Variants in CLCN1 observed in about 807,000 individuals in gnomAD.
The protein encoded by CLCN1 is chloride voltage-gated channel 1.
In CLCN1, 100 loss-of-function variants were observed where a neutral mutation model predicts 114.5. That is an observed-to-expected ratio of 0.87 (90% CI 0.74 to 1.03). The LOEUF (loss-of-function observed/expected upper bound fraction) is 1.03. CLCN1 is among the 50% of genes least tolerant of loss of function. The pLI is 0.00. For synonymous variants in CLCN1, 485 were observed against 487.1 expected (o/e 1.00, Z 0.06); for missense variants, 1,188 against 1,250.0 (o/e 0.95, Z 0.75).
At chr7:143,323,715 C>T in intron 6 of CLCN1, 1 of 518,104 alleles carries the variant, frequency 1.9e-6, no homozygotes, top group Middle Eastern at 3.0e-4. Flanking sequence ...CCCTCGTGTG[C>T]TCCCCCATCC....
chr7:143,331,089 G>T, intron 8 of CLCN1, 143 bp from the exon 9 acceptor site: 1 of 1,057,016 alleles, frequency 9.5e-7, no homozygotes, highest in Non-Finnish European at 1.5e-6. Flanking sequence ...GGAGGAGTGT[G>T]CGTAGAAAAA....
chr7:143,351,933 G>A lies in CLCN1; in HGVS notation c.2935G>A (p.Asp979Asn). Residue 979 changes from aspartate (D) to asparagine (N), a missense_variant, in exon 23 of 23, where the codon GAC becomes AAC. By Grantham distance (23) the Asp-to-Asn change is conservative. Coordinates refer to ENST00000343257, the MANE Select transcript of CLCN1 (RefSeq NM_000083.3). Reference protein sequence around the residue: ...ILQGPSLRSTDEEDEDELIL With the variant: ...ILQGPSLRSTNEEDEDELIL ...GCAGGGCCCCAGCCTGCGATCCACA[G>A]ACGAGGAGGATGAGGATGAACTGAT... 1 of 1,613,442 alleles carries A rather than the reference G, an allele frequency of 6.2e-7. No homozygotes were observed. The highest frequency in any genetic ancestry group is 8.5e-7 in the Non-Finnish European group (1 of 1,180,044).
intron 2 of CLCN1, 86 bp downstream of exon 2, chr7:143,319,961 C>T (rs997085311): frequency 1.4e-5 from 19 of 1,383,844 alleles, no homozygotes; most frequent in East Asian, 9.1e-5. Context: ...ATTGCACGTA[C>T]GTACTCCCTG....
chr7:143,323,780 C>G, intron 6 of CLCN1: 1 of 479,734 alleles, frequency 2.1e-6, no homozygotes, highest in Non-Finnish European at 4.3e-6. Context: ...GCCTGCCCCA[C>G]CCCTCCACCC....
At chr7:143,340,077 A>G (rs994212881) in intron 14 of CLCN1, among the ~76,000 whole-genome samples, 2 of 152,234 alleles carry the variant, frequency 1.3e-5, no homozygotes, top group Admixed American at 6.5e-5. Flanking sequence ...CCATGAAGCA[A>G]GATAGCTGCT....
In CLCN1 at chr7:143,321,355, G is replaced by A. The variant is rs566067406; in HGVS notation, c.434-10G>A. On this transcript the variant is annotated splice_polypyrimidine_tract_variant and intron_variant, in intron 3 of 22. Coordinates refer to ENST00000343257, the MANE Select transcript of CLCN1 (RefSeq NM_000083.3). This position sits in a 1 kb window ranked among gnomAD's most constrained non-coding sequence, Gnocchi z 4.2. Reference sequence around the variant, plus strand: ...ATGTTCTGCCTAACCCCAGGCATGTGTCTCCGCAGCCTACAAGTGGTCCTA... The same window carrying A: ...ATGTTCTGCCTAACCCCAGGCATGTATCTCCGCAGCCTACAAGTGGTCCTA... 2.5e-6 allele frequency: 4 copies of A among 1,614,160 alleles called. No individual in the cohort carries two copies. The South Asian group carries it at 3.3e-5, about 13-fold the overall frequency.
chr7:143,351,254 A>G (rs1160383187), intron 22 of CLCN1, among the ~76,000 whole-genome samples: 1 of 151,972 alleles, frequency 6.6e-6, no homozygotes, highest in Non-Finnish European at 1.5e-5. Flanking sequence ...GGTTCCAGGC[A>G]TGAGTCACAG....
intron 20 of CLCN1, among the ~76,000 whole-genome samples, chr7:143,347,567 G>A (rs1803283510): frequency 6.8e-6 from 1 of 146,854 alleles, no homozygotes; most frequent in Non-Finnish European, 1.5e-5. Flanking sequence ...GTTGCAGTGA[G>A]CAGAGACTGC....
Position 143,321,118 on chromosome 7 carries a change from G to T in CLCN1, c.434-247G>T, listed in dbSNP as rs796097057. Among the ~76,000 whole-genome samples, 1 of 152,108 alleles carries T rather than the reference G, an allele frequency of 6.6e-6. No individual in the cohort carries two copies. Among genetic ancestry groups the T allele is most frequent in the Admixed American group, 6.6e-5 (1 of 15,266 alleles). ...GAAGCCCCTTGGTTCTGGGCACACC[G>T]GGTGGTTGGTCACACCCAGGCCTCC... On this transcript the variant is annotated intron_variant, in intron 3 of 22. Transcript: ENST00000343257. This position sits in a 1 kb window ranked among gnomAD's most constrained non-coding sequence, Gnocchi z 4.2.
In CLCN1 at chr7:143,316,367, C is replaced by A. The variant is rs1244607320; in HGVS notation, c.155C>A (p.Pro52His). 1.2e-6 allele frequency: 2 copies of A among 1,612,718 alleles called. No individual in the cohort carries two copies. The highest frequency in any genetic ancestry group is 1.1e-5 in the South Asian group (1 of 91,076). ...LQHRLRKDAG[P>H]RHNVHPTQIY... ...CACAGGCTCCGGAAGGATGCAGGCC[C>A]CCGCCACAACGTCCACCCCACACAG... is the stretch of plus-strand genomic sequence containing the variant. Residue 52 changes from proline (P) to histidine (H), a missense_variant, in exon 1 of 23, where the codon CCC (proline) becomes CAC (histidine). Pro to His is a moderately conservative substitution (Grantham distance 77). Transcript: ENST00000343257.
chr7:143,346,765 G>T, intron 19 of CLCN1, 107 bp downstream of exon 19: 1 of 1,217,274 alleles, frequency 8.2e-7, no homozygotes, highest in South Asian at 1.2e-5. Context: ...CCAAGGAGGA[G>T]GAGTTTAATC....
rs1802702190 is a variant in CLCN1 at position 143,330,834 on chromosome 7, T to C, written c.916T>C (p.Phe306Leu). 6.2e-7 allele frequency: 1 copy of C among 1,614,214 alleles called. No homozygotes were observed. Among genetic ancestry groups the C allele is most frequent in the Non-Finnish European group, 8.5e-7 (1 of 1,180,044 alleles). The part of the protein sequence containing the change: ...YFAVRNYWRG[F>L]FAATFSAFVF... ...TGCTGTTCGGAACTACTGGAGAGGA[T>C]TCTTTGCAGCCACGTTCAGCGCCTT... The change falls in exon 8 of 23, where the codon TTC becomes CTC. Residue 306 changes from phenylalanine (F) to leucine (L), a missense_variant. Phe to Leu is a conservative substitution (Grantham distance 22). Transcript: ENST00000343257.
rs1803104090 is a variant in CLCN1 at position 143,342,367 on chromosome 7, C to T, written c.1797-5C>T. The stretch of plus-strand genomic sequence containing the variant: ...GCTAACCCACCATGCTTTCTCCCTC[C>T]ATAGCAAATATACCATCTTTGTTGA... On this transcript the variant is annotated splice_polypyrimidine_tract_variant and splice_region_variant and intron_variant, in intron 15 of 22. Transcript: ENST00000343257. 1 of 1,614,162 alleles carries T rather than the reference C, an allele frequency of 6.2e-7. No homozygotes were observed. The highest frequency in any genetic ancestry group is 2.2e-5 in the East Asian group (1 of 44,882).
Position 143,346,655 on chromosome 7 carries a change from C to A in CLCN1, c.2361C>A (p.Thr787=). The change falls in exon 19 of 23, where the codon ACC becomes ACA. Residue 787 remains threonine (T), a synonymous_variant. Transcript: ENST00000343257. ...GRARPTKKKT[T]QDSTDLVDNM... is the part of the protein sequence containing the mutation. ...CTCGCCCCACAAAGAAGAAAACAAC[C>A]CAGGTGAGAGGAGATGTGTTTGGGG... 10 of 1,611,878 alleles carry A rather than the reference C, an allele frequency of 6.2e-6. No individual in the cohort carries two copies. The highest frequency in any genetic ancestry group is 8.5e-6 in the Non-Finnish European group (10 of 1,178,396).
intron 12 of CLCN1, among the ~76,000 whole-genome samples, chr7:143,337,791 A>T: frequency 1.2e-5 from 1 of 80,142 alleles, no homozygotes. Context: ...CCTTTTTTCC[A>T]TTCTATTTCT....
At chr7:143,323,822 G>A (rs939249983) in intron 6 of CLCN1, 5 of 474,252 alleles carry the variant, frequency 1.1e-5, no homozygotes, top group Non-Finnish European at 1.7e-5. Context: ...GTTGCAGACC[G>A]TGCCTGGGCA....
At chr7:143,345,471 TGCGAGA>T in intron 16 of CLCN1, 44 bp from the exon 17 acceptor site, 1 of 1,488,220 alleles carries the variant, frequency 6.7e-7, no homozygotes, top group Non-Finnish European at 9.0e-7. Context: ...AGCGCGGTGG[TGCGAGA>T]GGGCTTGGAG....
At position 143,326,292 on chromosome 7, in the gene CLCN1, A is replaced by G. The variant is rs543007244; in HGVS notation, c.853+1800A>G. Among the ~76,000 whole-genome samples, 9 of 152,304 alleles carry G rather than the reference A, an allele frequency of 5.9e-5. No individual in the cohort carries two copies. In the South Asian group the frequency reaches 1.7e-3, roughly 28 times the overall value. Reference sequence around the variant, plus strand: ...CTTGGCCTATTACTTGATTTTTAAAAAAGAATACCGAATAATTCTGAAAGG... The same window carrying G: ...CTTGGCCTATTACTTGATTTTTAAAGAAGAATACCGAATAATTCTGAAAGG... On this transcript the variant is annotated intron_variant, in intron 7 of 22. Transcript: ENST00000343257.
chr7:143,338,450 A>G (rs1802973827), intron 12 of CLCN1, among the ~76,000 whole-genome samples: 1 of 152,076 alleles, frequency 6.6e-6, no homozygotes, highest in Non-Finnish European at 1.5e-5. Context: ...TCAATTAATC[A>G]CACAATAAGT....
Sources: gnomAD v4.1 joint callset for allele counts (sites outside exome capture counted in the v4.1 genomes callset) on GRCh38, gnomAD v4.1.1 for gene constraint, Gnocchi (gnomAD v3.1) non-coding constraint, MANE v1.5 for transcripts, NCBI Gene and HGNC (gene_info 2026-07-23, HGNC 2026-07-21) for gene names.